The following USP24 variants were observed in gnomAD, a reference collection of about 807,000 sequenced individuals.
The protein encoded by USP24 is ubiquitin specific peptidase 24.
Under a neutral mutation model 361.6 loss-of-function variants are expected in USP24, and 97 were observed. That is an observed-to-expected ratio of 0.27 (90% CI 0.23 to 0.32). USP24 has a LOEUF of 0.32. Ranked by LOEUF, USP24 falls within the 10% of genes least tolerant of loss-of-function variation. The pLI, the probability that USP24 is intolerant of heterozygous loss-of-function variation, is 1.00. For missense variants in USP24, 2,353 were observed against 3,165.6 expected (o/e 0.74, Z 6.16); for synonymous variants, 1,098 against 1,124.6 (o/e 0.98, Z 0.47).
intron 28 of USP24, 137 bp from the exon 29 acceptor site, chr1:55,134,550 C>T (rs1008615453): frequency 3.8e-5 from 27 of 706,048 alleles, no homozygotes; most frequent in Admixed American, 4.9e-5. Context: ...GCACAGTGCT[C>T]GTCTGTACTG....
chr1:55,152,490 GAAACGTGTCT>G (rs908856618), intron 16 of USP24, among the ~76,000 whole-genome samples: 17 of 152,198 alleles, frequency 1.1e-4, no homozygotes, highest in Admixed American at 9.2e-4. Context: ...ATATATAAAA[GAAACGTGTCT>G]GTTGCTGAGA....
At chr1:55,163,407 T>C (rs1648499241) in intron 7 of USP24, among the ~76,000 whole-genome samples, 1 of 151,914 alleles carries the variant, frequency 6.6e-6, no homozygotes, top group South Asian at 2.1e-4. Context: ...AATATAAAAA[T>C]AATTCCTAAA....
At chr1:55,086,178 C>A (rs1425066932) in intron 55 of USP24, 140 bp from the exon 56 acceptor site, 1 of 716,718 alleles carries the variant, frequency 1.4e-6, no homozygotes, top group Non-Finnish European at 2.4e-6. Flanking sequence ...CCAAGTGGAG[C>A]TTTCCAAGGT....
At chr1:55,205,189 G>A (rs1412481212) in intron 1 of USP24, among the ~76,000 whole-genome samples, 1 of 152,194 alleles carries the variant, frequency 6.6e-6, no homozygotes, top group Non-Finnish European at 1.5e-5. Flanking sequence ...TCTAAACACA[G>A]CTGTTTTCAA....
intron 1 of USP24, among the ~76,000 whole-genome samples, chr1:55,178,484 C>A (rs767510871): frequency 2.6e-5 from 4 of 151,918 alleles, no homozygotes; most frequent in Middle Eastern, 3.4e-3. Context: ...GTGGCTAACA[C>A]GGTGAAACCC....
chr1:55,130,059 G>A (rs1280203476), intron 31 of USP24, among the ~76,000 whole-genome samples: 2 of 152,150 alleles, frequency 1.3e-5, no homozygotes, highest in East Asian at 3.9e-4. Flanking sequence ...GGTTAAGTAG[G>A]TTAAGTGACT....
chr1:55,085,797 G>T, intron 56 of USP24, 145 bp downstream of exon 56: 1 of 719,794 alleles, frequency 1.4e-6, no homozygotes. Flanking sequence ...CTTCTCCCTG[G>T]CATGTACCAA....
At chr1:55,177,863 G>C (rs1650146561) in intron 2 of USP24, 104 bp downstream of exon 2, 1 of 1,077,104 alleles carries the variant, frequency 9.3e-7, no homozygotes, top group Admixed American at 3.0e-5. Flanking sequence ...GAGAATAAAT[G>C]ATCTGTCCAA....
At chr1:55,199,095 G>A (rs1557700968) in intron 1 of USP24, among the ~76,000 whole-genome samples, 1 of 152,028 alleles carries the variant, frequency 6.6e-6, no homozygotes, top group African/African-American at 2.4e-5. Context: ...TTTGGGACCA[G>A]CTTGGCCAAC....
chr1:55,176,566 T>A (rs371447237), intron 2 of USP24, 123 bp from the exon 3 acceptor site: 1 of 848,572 alleles, frequency 1.2e-6, no homozygotes, highest in Non-Finnish European at 1.8e-6. Flanking sequence ...ATATACATCA[T>A]TCTAAATCCA....
chr1:55,198,647 C>CA (rs1644482181), intron 1 of USP24, among the ~76,000 whole-genome samples: 2 of 152,172 alleles, frequency 1.3e-5, no homozygotes, highest in Admixed American at 1.3e-4. Context: ...GATGACAAAT[C>CA]ACCCCTGGTT....
At chr1:55,123,359 C>G in intron 36 of USP24, 88 bp downstream of exon 36, 1 of 1,385,272 alleles carries the variant, frequency 7.2e-7, no homozygotes, top group Non-Finnish European at 9.5e-7. Flanking sequence ...ACCAATGGGA[C>G]CTTATCTAGG....
Position 55,137,524 on chromosome 1 carries a change from G to A in USP24, c.3192C>T (p.Ala1064=). The A allele has an allele frequency of 3.1e-6, 5 of 1,612,992 alleles. No homozygotes were observed. The highest frequency in any genetic ancestry group is 4.2e-6 in the Non-Finnish European group (5 of 1,179,494). ...SSSGVFSSSY[A]MEQEKSLPGV... The stretch of plus-strand genomic sequence containing the variant: ...ATTGATCACCCAGTACCTGCTCCAT[G>A]GCATATGAAGAACTAAAAACCCCAC... The change falls in exon 28 of 68, where the codon GCC becomes GCT. Residue 1064 remains alanine, a synonymous_variant. Transcript: ENST00000294383.
intron 1 of USP24, among the ~76,000 whole-genome samples, chr1:55,213,590 A>G (rs1274357761): frequency 6.6e-6 from 1 of 152,214 alleles, no homozygotes; most frequent in Admixed American, 6.5e-5. Context: ...ACGCAATCCC[A>G]ATAATTTGAG....
At chr1:55,152,007 C>T (rs1274909565) in intron 16 of USP24, 1 of 985,278 alleles carries the variant, frequency 1.0e-6, no homozygotes, top group Non-Finnish European at 1.2e-6. Context: ...TAGAAAAACA[C>T]CTTTAGTGGA....
In USP24 at chr1:55,071,983, C is replaced by A. The variant is rs1644930450; in HGVS notation, c.7690-59G>T. 2.1e-6 allele frequency: 3 copies of A among 1,444,678 alleles called. No individual in the cohort carries two copies. The East Asian group carries it at 7.3e-5, about 35-fold the overall frequency. The allele number at this position is 1,444,678 out of a possible 1,614,324, so 89.5% of individuals were successfully genotyped here. On this transcript the variant is annotated intron_variant, in intron 66 of 67. Coordinates refer to ENST00000294383, the MANE Select transcript of USP24 (RefSeq NM_015306.3). ...AGGGCCCATTCAGTGGCAGCAGCAA[C>A]CGCCAGGGAAGACTACCTTTCATCT... is the stretch of plus-strand genomic sequence containing the variant.
At chr1:55,124,288 G>A (rs918276974) in intron 35 of USP24, among the ~76,000 whole-genome samples, 181 bp downstream of exon 35, 11 of 152,106 alleles carry the variant, frequency 7.2e-5, no homozygotes, top group African/African-American at 1.2e-4. Context: ...AGTGAAATAT[G>A]ACATACATAT....
chr1:55,166,479 C>A, intron 6 of USP24, 89 bp downstream of exon 6: 1 of 1,162,616 alleles, frequency 8.6e-7, no homozygotes, highest in Non-Finnish European at 1.2e-6. Flanking sequence ...TTCTCTGCAG[C>A]TGCCATTTGC....
intron 1 of USP24, among the ~76,000 whole-genome samples, chr1:55,203,818 T>A (rs1447685480): frequency 6.6e-6 from 1 of 152,154 alleles, no homozygotes; most frequent in Non-Finnish European, 1.5e-5. Flanking sequence ...TTTAATGGTA[T>A]AAATCATATA....
Sources: allele counts gnomAD v4.1 joint callset (sites outside exome capture counted in the v4.1 genomes callset), GRCh38; gene constraint gnomAD v4.1.1; transcripts MANE v1.5; gene names NCBI Gene and HGNC (gene_info 2026-07-23, HGNC 2026-07-21).